Variants in MUC6 observed in about 807,000 individuals in gnomAD.
MUC6 encodes mucin 6, oligomeric mucus/gel-forming (gene/pseudogene).
Under a neutral mutation model 201.5 loss-of-function variants are expected in MUC6, and 188 were observed. That is an observed-to-expected ratio of 0.93 (90% CI 0.83 to 1.05). The LOEUF (loss-of-function observed/expected upper bound fraction) is 1.05, where lower values mean the gene tolerates loss of function less well. Among genes scored for constraint, MUC6 ranks in the 50% least tolerant of loss-of-function variants. The pLI, the probability that MUC6 is intolerant of heterozygous loss-of-function variation, is 0.00. For synonymous variants in MUC6, 1,228 were observed against 1,389.4 expected (o/e 0.88, Z 2.58); for missense variants, 2,706 against 3,256.9 (o/e 0.83, Z 4.12).
Position 1,029,117 on chromosome 11 carries a change from C to T in MUC6, c.1309G>A (p.Ala437Thr). ...PQLPEDGALMAVYDKSGVSHS... is the reference protein window; with the variant it reads ...PQLPEDGALMTVYDKSGVSHS... ...GAGACGCCGGACTTGTCGTACACAG[C>T]CATGAGGGCACCGTCCTCGGGAAGC... Residue 437 changes from alanine (A) to threonine (T), a missense_variant, in exon 11 of 33, where the codon GCT (alanine) becomes ACT (threonine). Coordinates refer to ENST00000421673, the MANE Select transcript of MUC6 (RefSeq NM_005961.3). 1.2e-6 allele frequency: 2 copies of T among 1,612,624 alleles called. No homozygotes were observed. Among genetic ancestry groups the T allele is most frequent in the Non-Finnish European group, 1.7e-6 (2 of 1,179,772 alleles).
At chr11:1,019,042 C>T (rs1490877695) in intron 30 of MUC6, among the ~76,000 whole-genome samples, 3 of 152,220 alleles carry the variant, frequency 2.0e-5, no homozygotes, top group African/African-American at 7.2e-5. Flanking sequence ...CTTCTGGTTC[C>T]CTGTGGCCGT....
At chr11:1,019,071 C>T (rs1856749697) in intron 30 of MUC6, among the ~76,000 whole-genome samples, 1 of 152,242 alleles carries the variant, frequency 6.6e-6, no homozygotes, top group African/African-American at 2.4e-5. Context: ...CCCCCACCCT[C>T]CTGCACCTCT....
intron 9 of MUC6, 27 bp from the exon 10 acceptor site, chr11:1,029,393 A>G: frequency 6.3e-7 from 1 of 1,594,324 alleles, no homozygotes; most frequent in Non-Finnish European, 8.5e-7. Flanking sequence ...GGGTAGCGGC[A>G]TGGTGGGCAG....
chr11:1,025,451 A>G (rs983884551), intron 22 of MUC6, 84 bp from the exon 23 acceptor site: 3 of 1,490,170 alleles, frequency 2.0e-6, no homozygotes, highest in African/African-American at 1.4e-5. Context: ...TCTCAGAGAC[A>G]GAGCTGCCCA....
At position 1,020,176 on chromosome 11, in the gene MUC6, C is replaced by T; in HGVS notation, c.3722G>A (p.Ser1241Asn). ...GGGGCTGGCAGGGGTGTGATTAGAGCTGGGTGAGGGTCCGGTGGAGCTGAG... is the reference window on the plus strand; with the variant it reads ...GGGGCTGGCAGGGGTGTGATTAGAGTTGGGTGAGGGTCCGGTGGAGCTGAG... ...GLLSSTGPSP[S>N]SNHTPASPTQ... is the part of the protein sequence containing the mutation. Residue 1241 changes from serine (S) to asparagine (N), a missense_variant, in exon 29 of 33, where the codon AGC (serine) becomes AAC (asparagine). Transcript: ENST00000421673. 1.9e-6 allele frequency: 3 copies of T among 1,612,658 alleles called. No individual in the cohort carries two copies. Among genetic ancestry groups the T allele is most frequent in the Non-Finnish European group, 2.5e-6 (3 of 1,179,750 alleles).
chr11:1,030,179 C>G, intron 8 of MUC6, 34 bp downstream of exon 8: 1 of 1,542,824 alleles, frequency 6.5e-7, no homozygotes, highest in South Asian at 1.2e-5. Context: ...CTCTAGGGGT[C>G]CCGGGGAGAG....
chr11:1,023,882 C>G, intron 25 of MUC6, 65 bp downstream of exon 25: 6 of 1,564,458 alleles, frequency 3.8e-6, no homozygotes, highest in Non-Finnish European at 5.2e-6. Context: ...GGCAGCCCTG[C>G]GCCGGCCCTT....
chr11:1,031,646 C>T lies in MUC6; in HGVS notation c.444G>A (p.Leu148=). The T allele has an allele frequency of 6.5e-7, 1 of 1,550,346 alleles. No homozygotes were observed. The highest frequency in any genetic ancestry group is 1.2e-5 in the South Asian group (1 of 84,046). The part of the protein sequence containing the change: ...SVRLVAKQLE[L]ELEVVWGPDS... ...CAGGACCCCACACGACTTCCAGCTC[C>T]AGCTCCAGCTGCTTGGCCACCAGCC... The change falls in exon 4 of 33, where the codon CTG becomes CTA. Residue 148 remains leucine (L), a synonymous_variant. Coordinates refer to ENST00000421673, the MANE Select transcript of MUC6 (RefSeq NM_005961.3).
chr11:1,034,989 C>T lies in MUC6; in HGVS notation c.52+1615G>A, dbSNP rs370637999. Among the ~76,000 whole-genome samples, 1,020 of 152,360 alleles carry T rather than the reference C, an allele frequency of 6.7e-3. 4 individuals are homozygous for T. Among genetic ancestry groups the T allele is most frequent in the Middle Eastern group, 0.02 (6 of 294 alleles). On this transcript the variant is annotated intron_variant, in intron 1 of 32. Coordinates refer to ENST00000421673, the MANE Select transcript of MUC6 (RefSeq NM_005961.3). ...CCCCTCGGCTGATCCCTTGGCCAGG[C>T]GCATGGGCATCTGGGCGGGTTGGTC... is the stretch of plus-strand genomic sequence containing the variant.
At chr11:1,020,510 T>C (rs1038686571) in intron 28 of MUC6, among the ~76,000 whole-genome samples, 174 bp downstream of exon 28, 3 of 152,066 alleles carry the variant, frequency 2.0e-5, no homozygotes, top group Non-Finnish European at 2.9e-5. Context: ...ACCAGGCTGC[T>C]TCCTGGCTGT....
chr11:1,023,686 C>G, intron 25 of MUC6, 34 bp from the exon 26 acceptor site: 1 of 1,592,948 alleles, frequency 6.3e-7, no homozygotes, highest in Non-Finnish European at 8.5e-7. Context: ...TGGTGGGGTT[C>G]CTGGCCCTGG....
chr11:1,018,887 G>T, intron 30 of MUC6, 117 bp from the exon 31 acceptor site: 1 of 1,341,948 alleles, frequency 7.5e-7, no homozygotes, highest in Non-Finnish European at 1.0e-6. Context: ...CTCTGTTCCT[G>T]TGACATGGCC....
At chr11:1,036,437 A>G (rs1328924246) in intron 1 of MUC6, among the ~76,000 whole-genome samples, 167 bp downstream of exon 1, 2 of 151,948 alleles carry the variant, frequency 1.3e-5, no homozygotes, top group African/African-American at 4.8e-5. Context: ...TGCTGGGGGG[A>G]CCCGGGCCTG....
Position 1,026,928 on chromosome 11 carries a change from C to T in MUC6, c.2394+13G>A, listed in dbSNP as rs530916264. The T allele has an allele frequency of 4.4e-5, 69 of 1,557,570 alleles. No individual in the cohort carries two copies. The highest frequency in any genetic ancestry group is 5.5e-5 in the African/African-American group (4 of 73,370). ...GCCCGGGCATTGTCCCTGCTCCTCGCGCGCCCCCTTACGCAGGCAACACCG... is the reference window on the plus strand; with the variant it reads ...GCCCGGGCATTGTCCCTGCTCCTCGTGCGCCCCCTTACGCAGGCAACACCG... On this transcript the variant is annotated intron_variant, in intron 19 of 32. Transcript: ENST00000421673.
intron 24 of MUC6, 40 bp downstream of exon 24, chr11:1,024,804 G>T (rs1590047558): frequency 7.3e-7 from 1 of 1,363,898 alleles, no homozygotes; most frequent in Non-Finnish European, 1.0e-6. Context: ...CCGGACATTT[G>T]TGGAGGGGCA....
intron 26 of MUC6, 89 bp from the exon 27 acceptor site, chr11:1,021,366 T>C: frequency 3.1e-6 from 2 of 653,634 alleles, no homozygotes; most frequent in Admixed American, 4.1e-5. Flanking sequence ...CCTTCCTCTC[T>C]GCTTTTTTTT....
rs1856887201 is a variant in MUC6, at chr11:1,024,018, G to T, written c.3311C>A (p.Ala1104Asp). The change falls in exon 25 of 33, where the codon GCC (alanine) becomes GAC (aspartate). Residue 1104 changes from alanine to aspartate, a missense_variant. Transcript: ENST00000421673. ...ACAGGCTTGGGCGTAGGCAGCCACGGCATCGCACAGACACTCACAGTCCCC... is the reference window on the plus strand; with the variant it reads ...ACAGGCTTGGGCGTAGGCAGCCACGTCATCGCACAGACACTCACAGTCCCC... ...SGGDCECLCD[A>D]VAAYAQACLD... is the part of the protein sequence containing the mutation. 1.2e-6 allele frequency: 2 copies of T among 1,611,732 alleles called. No individual in the cohort carries two copies. Among genetic ancestry groups the T allele is most frequent in the Non-Finnish European group, 1.7e-6 (2 of 1,179,546 alleles).
At chr11:1,034,842 C>T (rs543713694) in intron 1 of MUC6, among the ~76,000 whole-genome samples, 9 of 152,318 alleles carry the variant, frequency 5.9e-5, no homozygotes, top group East Asian at 1.9e-4. Context: ...CTGCGCCCCC[C>T]GCCGCCCTCG....
chr11:1,028,271 C>T lies in MUC6; in HGVS notation c.1708G>A (p.Ala570Thr), dbSNP rs757784693. ...DSWRAGNCPA[A>T]LERETDPCSM... is the part of the protein sequence containing the mutation. ...CAGGGGTCAGTCTCACGCTCCAGAG[C>T]GGCCGGACAGTTCCCCGCCCGCCAG... Residue 570 changes from alanine to threonine, a missense_variant, in exon 14 of 33, where the codon GCT becomes ACT. Ala to Thr is a moderately conservative substitution (Grantham distance 58). Around this residue, in one of 10 missense-constraint regions of MUC6, gnomAD observed 1,850 missense variants for 1,958.3 expected, o/e 0.94. Transcript: ENST00000421673. The T allele has an allele frequency of 5.5e-5, 88 of 1,599,692 alleles. 1 individual carries two copies. In the Admixed American group the frequency reaches 8.6e-4, roughly 16 times the overall value.
Sources: allele counts gnomAD v4.1 joint callset (sites outside exome capture counted in the v4.1 genomes callset), GRCh38; gene constraint gnomAD v4.1.1; regional missense constraint gnomAD v4.1.1; transcripts MANE v1.5; gene names NCBI Gene and HGNC (gene_info 2026-07-23, HGNC 2026-07-21).